The following PCDHA3 variants were observed in gnomAD, a reference collection of about 807,000 sequenced individuals.
The protein encoded by PCDHA3 is protocadherin alpha 3.
Under a neutral mutation model 62.2 loss-of-function variants are expected in PCDHA3, and 41 were observed. The observed-to-expected ratio is 0.66, with a 90% CI of 0.51 to 0.86. PCDHA3 has a LOEUF of 0.86. Among genes scored for constraint, PCDHA3 ranks in the 40% least tolerant of loss-of-function variants. The pLI is 0.00. For missense variants in PCDHA3, 1,304 were observed against 1,241.2 expected (o/e 1.05, Z -0.76); for synonymous variants, 640 against 555.4 (o/e 1.15, Z -2.14).
At chr5:140,967,198 C>T (rs2096112626) in intron 1 of PCDHA3, 9 of 1,613,662 alleles carry the variant, frequency 5.6e-6, no homozygotes, top group South Asian at 1.1e-5. Flanking sequence ...TCAACGACAA[C>T]TCACCGCGTT....
chr5:140,930,411 A>C (rs1554207797), intron 1 of PCDHA3: 2 of 149,218 alleles, frequency 1.3e-5, no homozygotes, highest in African/African-American at 2.5e-5. Context: ...TTTTTGAGAC[A>C]GGGGTCTCAC....
intron 1 of PCDHA3, chr5:140,822,602 T>C (rs1454231935): frequency 1.9e-6 from 3 of 1,611,816 alleles, no homozygotes; most frequent in Non-Finnish European, 2.5e-6. Flanking sequence ...AATAAGGAAA[T>C]AGTGTATTTC....
At chr5:140,936,291 A>G (rs996685658) in intron 1 of PCDHA3, among the ~76,000 whole-genome samples, 2 of 152,174 alleles carry the variant, frequency 1.3e-5, no homozygotes, top group African/African-American at 4.8e-5. Flanking sequence ...CTTCTATAAC[A>G]TTGCTATCCA....
At chr5:140,982,159 G>A (rs1466298378) in intron 2 of PCDHA3, among the ~76,000 whole-genome samples, 1 of 152,262 alleles carries the variant, frequency 6.6e-6, no homozygotes, top group African/African-American at 2.4e-5. Flanking sequence ...GTATCGAGAT[G>A]TTAAAATGGC....
chr5:140,871,007 C>T (rs1554164969), intron 1 of PCDHA3: 1 of 1,613,314 alleles, frequency 6.2e-7, no homozygotes, highest in South Asian at 1.1e-5. Context: ...ACAACGCGTG[C>T]CCTGGACGAG....
At chr5:140,999,114 T>C (rs2097847387) in intron 3 of PCDHA3, among the ~76,000 whole-genome samples, 2 of 152,180 alleles carry the variant, frequency 1.3e-5, no homozygotes, top group Non-Finnish European at 2.9e-5. Context: ...CTAGCAACCA[T>C]TTCTAAGCTG....
intron 1 of PCDHA3, among the ~76,000 whole-genome samples, chr5:140,903,721 C>A (rs2070530222): frequency 6.6e-6 from 1 of 152,152 alleles, no homozygotes; most frequent in Non-Finnish European, 1.5e-5. Flanking sequence ...ACAATTCTCC[C>A]TATTATCAAT....
At chr5:140,831,708 G>A (rs2150196932) in intron 1 of PCDHA3, among the ~76,000 whole-genome samples, 10 of 152,148 alleles carry the variant, frequency 6.6e-5, no homozygotes, top group Admixed American at 5.2e-4. Context: ...TAGTGATTAA[G>A]TGTGAGTTTT....
intron 1 of PCDHA3, chr5:140,928,060 T>C: frequency 6.2e-7 from 1 of 1,614,204 alleles, no homozygotes; most frequent in Non-Finnish European, 8.5e-7. Flanking sequence ...GCTGACGGCT[T>C]CCTTTGACAA....
chr5:141,010,188 T>G lies in PCDHA3; in HGVS notation c.*251T>G. 6.4e-7 allele frequency: 1 copy of G among 1,553,070 alleles called. No individual in the cohort carries two copies. On this transcript the variant is annotated 3_prime_UTR_variant, in exon 4 of 4. Coordinates refer to ENST00000522353, the MANE Select transcript of PCDHA3 (RefSeq NM_018906.3). ...CAGAACCTAAAAAGCAGACCCAAGT[T>G]TCCTTTCTCCTCCGCCGCAAAGGAG...
chr5:140,982,609 G>A, intron 3 of PCDHA3, 46 bp downstream of exon 3: 1 of 1,600,864 alleles, frequency 6.2e-7, no homozygotes, highest in East Asian at 2.2e-5. Context: ...TCTGGAAAGT[G>A]ATCAGATGAC....
At chr5:140,869,723 A>C (rs782155135) in intron 1 of PCDHA3, 8 of 1,613,430 alleles carry the variant, frequency 5.0e-6, no homozygotes, top group Non-Finnish European at 6.8e-6. Context: ...AAAACTCCGG[A>C]ACTTAATTTG....
chr5:140,855,986 G>A (rs191873949), intron 1 of PCDHA3: 1 of 1,477,690 alleles, frequency 6.8e-7, no homozygotes, highest in Non-Finnish European at 9.1e-7. Context: ...GACAGAAAAT[G>A]TCAGATCGTA....
intron 1 of PCDHA3, chr5:140,835,028 C>A (rs2150229925): frequency 7.5e-7 from 1 of 1,326,582 alleles, no homozygotes; most frequent in Non-Finnish European, 1.0e-6. Flanking sequence ...TCACGGCCAC[C>A]GATGGAGGCA....
chr5:140,968,637 T>C, intron 1 of PCDHA3: 1 of 1,614,208 alleles, frequency 6.2e-7, no homozygotes. Flanking sequence ...TTTTACCATC[T>C]AGCCCAGACT....
rs782680860 is a variant in PCDHA3, at chr5:140,801,254, G to A, written c.57G>A (p.Leu19=). ...CCCAGTGCCTGCTGCTTTCTCTTCT[G>A]CTCCTCGCAGCCTCGGAGGTGGGGA... is the stretch of plus-strand genomic sequence containing the variant. ...PGAQCLLLSL[L]LLAASEVGSG... Residue 19 remains leucine, a synonymous_variant, in exon 1 of 4, where the codon CTG becomes CTA. Transcript: ENST00000522353. 1.2e-6 allele frequency: 2 copies of A among 1,613,704 alleles called. No homozygotes were observed. Among genetic ancestry groups the A allele is most frequent in the East Asian group, 2.2e-5 (1 of 44,886 alleles).
chr5:140,893,667 A>C (rs564806011), intron 1 of PCDHA3, among the ~76,000 whole-genome samples: 4 of 152,316 alleles, frequency 2.6e-5, no homozygotes, highest in African/African-American at 9.6e-5. Flanking sequence ...AAAAAATTTC[A>C]GCACTTTGGA....
chr5:140,928,587 C>T, intron 1 of PCDHA3: 1 of 1,614,228 alleles, frequency 6.2e-7, no homozygotes. Flanking sequence ...ATGGTTCTGT[C>T]CCAGTGGAAA....
At chr5:140,871,861 T>C (rs1554165885) in intron 1 of PCDHA3, among the ~76,000 whole-genome samples, 1 of 152,272 alleles carries the variant, frequency 6.6e-6, no homozygotes, top group East Asian at 1.9e-4. Flanking sequence ...ATAATAACTA[T>C]GGATTATTTA....
Sources: allele counts gnomAD v4.1 joint callset (sites outside exome capture counted in the v4.1 genomes callset), GRCh38; gene constraint gnomAD v4.1.1; transcripts MANE v1.5; gene names NCBI Gene and HGNC (gene_info 2026-07-23, HGNC 2026-07-21).